ZNF131: variants seen among roughly 807,000 people sequenced by gnomAD.
The protein encoded by ZNF131 is zinc finger protein 131.
In ZNF131, 7 loss-of-function variants were observed where a neutral mutation model predicts 60.0. That is an observed-to-expected ratio of 0.12 (90% confidence interval 0.07 to 0.22). ZNF131 has a LOEUF of 0.22. Ranked by LOEUF, ZNF131 falls within the 10% of genes least tolerant of loss-of-function variation. The pLI, the probability that ZNF131 is intolerant of heterozygous loss-of-function variation, is 1.00. For missense variants in ZNF131, 493 were observed against 740.9 expected (o/e 0.67, Z 3.88); for synonymous variants, 257 against 253.2 (o/e 1.01, Z -0.14).
Position 43,160,950 on chromosome 5 carries a change from C to A in ZNF131, c.372-299C>A, listed in dbSNP as rs141920925. Among the ~76,000 whole-genome samples, 323 of 152,088 alleles carry A rather than the reference C, an allele frequency of 2.1e-3. 2 individuals are homozygous for A. The highest frequency in any genetic ancestry group is 7.4e-3 in the African/African-American group (305 of 41,480). On this transcript the variant is annotated intron_variant, in intron 4 of 6. Coordinates refer to ENST00000682664, the MANE Select transcript of ZNF131 (RefSeq NM_001330707.2). ...CCTGCCTTGGCCTCCCAAAGTGTTG[C>A]GATTACAGGCATGAGCCACTGCACC...
intron 5 of ZNF131, among the ~76,000 whole-genome samples, chr5:43,166,547 A>G (rs1214401748): frequency 6.6e-6 from 1 of 151,660 alleles, no homozygotes; most frequent in African/African-American, 2.4e-5. Context: ...TTTTTAGTAG[A>G]GACAGGGTTT....
At chr5:43,167,848 G>A (rs1294069083) in intron 5 of ZNF131, 2 of 342,564 alleles carry the variant, frequency 5.8e-6, no homozygotes, top group Non-Finnish European at 1.2e-5. Flanking sequence ...AGAGACAAAG[G>A]TGATATCTTA....
intron 4 of ZNF131, among the ~76,000 whole-genome samples, chr5:43,145,628 G>A (rs918726420): frequency 1.3e-5 from 2 of 151,968 alleles, no homozygotes; most frequent in Admixed American, 1.3e-4. Flanking sequence ...ACTCCATCCA[G>A]CCTGGGTGAC....
intron 4 of ZNF131, among the ~76,000 whole-genome samples, chr5:43,141,041 G>T (rs192798429): frequency 2.6e-5 from 4 of 152,088 alleles, no homozygotes; most frequent in Admixed American, 2.6e-4. Context: ...TTTTTTAAGA[G>T]ATAAAAATTT....
In ZNF131 at chr5:43,136,476, CTTT is replaced by C. The variant is rs70991484; in HGVS notation, c.227-2661_227-2659del. On this transcript the variant is annotated intron_variant, in intron 3 of 6. Transcript: ENST00000682664. The stretch of plus-strand genomic sequence containing the variant: ...AAAGAACAAAGCTAGAGGCATCATA[CTTT>C]TTTTTTTTTTTTTTTTTTTTTTTTT... 8.7e-3 allele frequency among the ~76,000 whole-genome samples: 607 copies of C among 69,844 alleles called. 2 individuals carry two copies. Among genetic ancestry groups the C allele is most frequent in the East Asian group, 0.04 (68 of 1,684 alleles). 45.8% of individuals were successfully genotyped at this position (69,844 alleles called of 152,430 possible).
At chr5:43,121,937 C>T (rs1393157674) in intron 1 of ZNF131, 102 bp from the exon 2 acceptor site, 4 of 1,299,554 alleles carry the variant, frequency 3.1e-6, no homozygotes, top group Non-Finnish European at 3.1e-6. Context: ...CTCCCCCCTT[C>T]TTTTCACGTT....
At chr5:43,126,337 C>T (rs1476209173) in intron 3 of ZNF131, among the ~76,000 whole-genome samples, 3 of 152,184 alleles carry the variant, frequency 2.0e-5, no homozygotes, top group African/African-American at 7.2e-5. Flanking sequence ...CCTCTGTGGG[C>T]TGTGGATCCA....
At chr5:43,151,928 C>G (rs1748363771) in intron 4 of ZNF131, among the ~76,000 whole-genome samples, 1 of 152,164 alleles carries the variant, frequency 6.6e-6, no homozygotes, top group Non-Finnish European at 1.5e-5. Flanking sequence ...TTTCCCAGTT[C>G]AATTAGAATG....
At position 43,149,220 on chromosome 5, in the gene ZNF131, G is replaced by C. The variant is rs549012915; in HGVS notation, c.371+9911G>C. On this transcript the variant is annotated intron_variant, in intron 4 of 6. Coordinates refer to ENST00000682664, the MANE Select transcript of ZNF131 (RefSeq NM_001330707.2). ...TGGGAGGCAGAGGCTGCAGTGAGCC[G>C]AGATCGTGCCATTGCACTCCAGCCT... Among the ~76,000 whole-genome samples, 14 of 151,844 alleles carry C rather than the reference G, an allele frequency of 9.2e-5. 2 individuals are homozygous for C. The highest frequency in any genetic ancestry group is 3.4e-4 in the African/African-American group (14 of 41,402).
chr5:43,160,747 G>A (rs1341828457), intron 4 of ZNF131, among the ~76,000 whole-genome samples: 7 of 145,040 alleles, frequency 4.8e-5, no homozygotes, highest in African/African-American at 1.5e-4. Flanking sequence ...GCAATGGTGC[G>A]ATCTTGGCTC....
Position 43,156,882 on chromosome 5 carries a change from C to T in ZNF131, c.372-4367C>T, listed in dbSNP as rs960542191. Among the ~76,000 whole-genome samples, 9 of 144,220 alleles carry T rather than the reference C, an allele frequency of 6.2e-5. 1 individual carries two copies. Among genetic ancestry groups the T allele is most frequent in the African/African-American group, 2.3e-4 (9 of 39,426 alleles). The allele number at this position is 144,220 out of a possible 152,430, so 94.6% of individuals were successfully genotyped here. A position where few individuals can be genotyped will look rare whatever the true frequency, so the allele number is the denominator to read the frequency against. On this transcript the variant is annotated intron_variant, in intron 4 of 6. Coordinates refer to ENST00000682664, the MANE Select transcript of ZNF131 (RefSeq NM_001330707.2). The stretch of plus-strand genomic sequence containing the variant: ...TGAGACCTTGTCTCTCTACCCCCAC[C>T]AAAAAAAAAAAATTACACCTTAATT...
Position 43,121,983 on chromosome 5 carries a change from G to T in ZNF131, c.-15-56G>T, listed in dbSNP as rs1241727279. ...TTTGTTGTTGTTTTATGCTTTAGGGGTTTTGTTCCTCGGCTCGAGCTCATG... is the reference window on the plus strand; with the variant it reads ...TTTGTTGTTGTTTTATGCTTTAGGGTTTTTGTTCCTCGGCTCGAGCTCATG... On this transcript the variant is annotated intron_variant, in intron 1 of 6. Transcript: ENST00000682664. 5 of 1,571,308 alleles carry T rather than the reference G, an allele frequency of 3.2e-6. No homozygotes were observed. In the African/African-American group the frequency reaches 4.1e-5, roughly 13 times the overall value.
intron 5 of ZNF131, among the ~76,000 whole-genome samples, chr5:43,162,604 AAGAAAAG>A (rs1361547210): frequency 2.7e-5 from 3 of 111,888 alleles, no homozygotes; most frequent in East Asian, 3.6e-4. Flanking sequence ...AAAAAAAAAA[AAGAAAAG>A]AAAAAAAAGC....
chr5:43,131,176 C>G (rs1745303596), intron 3 of ZNF131, among the ~76,000 whole-genome samples: 1 of 146,926 alleles, frequency 6.8e-6, no homozygotes, highest in African/African-American at 2.5e-5. Context: ...CCAAGCTTAC[C>G]ACTGTTTTTT....
intron 5 of ZNF131, among the ~76,000 whole-genome samples, chr5:43,164,263 T>A (rs1298939671): frequency 1.3e-5 from 2 of 152,164 alleles, no homozygotes; most frequent in Non-Finnish European, 2.9e-5. Flanking sequence ...GTATGTGTGG[T>A]TCCACAGGGC....
rs111819342 is a variant in ZNF131, at chr5:43,170,353, A to G, written c.1055-2965A>G. On this transcript the variant is annotated intron_variant, in intron 5 of 6. Transcript: ENST00000682664. ...CTCAGTTACTTGACTGTGTCATTCTATTTAAGCGTGAGGCTCACATCTAGG... is the reference window on the plus strand; with the variant it reads ...CTCAGTTACTTGACTGTGTCATTCTGTTTAAGCGTGAGGCTCACATCTAGG... Among the ~76,000 whole-genome samples, 1,191 of 152,280 alleles carry G rather than the reference A, an allele frequency of 7.8e-3. 17 individuals carry two copies. Among genetic ancestry groups the G allele is most frequent in the African/African-American group, 0.027 (1,138 of 41,554 alleles).
chr5:43,148,209 A>C (rs1267564594), intron 4 of ZNF131, among the ~76,000 whole-genome samples: 7 of 139,934 alleles, frequency 5.0e-5, no homozygotes, highest in East Asian at 3.1e-4. Flanking sequence ...CTATCTCTAC[A>C]AAAAAAAAAA....
intron 5 of ZNF131, among the ~76,000 whole-genome samples, chr5:43,166,286 G>T (rs1223583894): frequency 1.3e-5 from 2 of 151,928 alleles, no homozygotes; most frequent in African/African-American, 4.8e-5. Context: ...CTTTCGGCCT[G>T]TCTCGACTTT....
chr5:43,165,712 G>C (rs924276523), intron 5 of ZNF131, among the ~76,000 whole-genome samples: 14 of 152,172 alleles, frequency 9.2e-5, no homozygotes, highest in African/African-American at 3.4e-4. Context: ...AGTGATAAAT[G>C]ACTGATTGGC....
Sources: gnomAD v4.1 joint callset for allele counts (sites outside exome capture counted in the v4.1 genomes callset) on GRCh38, gnomAD v4.1.1 for gene constraint, MANE v1.5 for transcripts, NCBI Gene and HGNC (gene_info 2026-07-23, HGNC 2026-07-21) for gene names.